PLD5: variants seen among roughly 807,000 people sequenced by gnomAD.
The protein encoded by PLD5 is inactive phospholipase D5.
Under a neutral mutation model 61.1 loss-of-function variants are expected in PLD5, and 36 were observed. The ratio of observed to expected loss-of-function variants is 0.59; its 90% confidence interval spans 0.45 to 0.78. The LOEUF is 0.78. Ranked by LOEUF, PLD5 falls within the 30% of genes least tolerant of loss-of-function variation. PLD5 has a pLI of 0.00. For synonymous variants in PLD5, 243 were observed against 242.8 expected, an observed-to-expected ratio of 1.00 and a Z score of -0.01; for missense variants, 515 against 644.4, an observed-to-expected ratio of 0.80 and a Z score of 2.17.
At position 242,306,154 on chromosome 1, in the gene PLD5, A is replaced by G. The variant is rs566294562; in HGVS notation, c.327-17624T>C. 1.2e-3 allele frequency among the ~76,000 whole-genome samples: 177 copies of G among 151,954 alleles called. 3 individuals are homozygous for G. The highest frequency in any genetic ancestry group is 4.2e-3 in the African/African-American group (174 of 41,454). ...ACTGACAACTAGCTGGGACAAACACATATAACCAGAGGGGTCCTCAGCTGC... is the reference window on the plus strand; with the variant it reads ...ACTGACAACTAGCTGGGACAAACACGTATAACCAGAGGGGTCCTCAGCTGC... On this transcript the variant is annotated intron_variant, in intron 2 of 9. Coordinates refer to ENST00000536534, the MANE Select transcript of PLD5 (RefSeq NM_001372062.1).
At chr1:242,399,741 G>C (rs1485399376) in intron 1 of PLD5, among the ~76,000 whole-genome samples, 1 of 152,112 alleles carries the variant, frequency 6.6e-6, no homozygotes, top group Non-Finnish European at 1.5e-5. Flanking sequence ...CCCACAGTAG[G>C]AGGTGAGTGA....
chr1:242,174,467 C>G (rs908404557), intron 5 of PLD5, among the ~76,000 whole-genome samples: 1 of 151,964 alleles, frequency 6.6e-6, no homozygotes, highest in African/African-American at 2.4e-5. Flanking sequence ...TAAACTAGTT[C>G]AACCATTGTG....
At chr1:242,450,693 A>G (rs1348012993) in intron 1 of PLD5, among the ~76,000 whole-genome samples, 8 of 152,206 alleles carry the variant, frequency 5.3e-5, no homozygotes, top group Non-Finnish European at 1.0e-4. Flanking sequence ...AGTCCATGGC[A>G]TTTATCAGGC....
At chr1:242,103,423 T>C (rs76445813) in intron 8 of PLD5, among the ~76,000 whole-genome samples, 33,242 of 152,212 alleles carry the variant, frequency 0.22, 3,779 homozygotes, top group South Asian at 0.29. Flanking sequence ...TCAACATGTA[T>C]GTTTTGAAAA....
At chr1:242,472,976 T>A (rs913317046) in intron 1 of PLD5, among the ~76,000 whole-genome samples, 5 of 152,026 alleles carry the variant, frequency 3.3e-5, no homozygotes, top group African/African-American at 1.2e-4. Context: ...AATCTCCAAA[T>A]ACCTTGAGAT....
At chr1:242,321,008 A>T (rs1658361973) in intron 2 of PLD5, among the ~76,000 whole-genome samples, 1 of 152,232 alleles carries the variant, frequency 6.6e-6, no homozygotes, top group East Asian at 1.9e-4. Context: ...AGATCTGCTA[A>T]CTATTTGCAG....
intron 1 of PLD5, among the ~76,000 whole-genome samples, chr1:242,429,886 T>G (rs1665625830): frequency 6.6e-6 from 1 of 152,240 alleles, no homozygotes; most frequent in South Asian, 2.1e-4. Context: ...AATGTAATTT[T>G]CTTCCTAGGG....
chr1:242,479,124 C>T (rs1195972651), intron 1 of PLD5, among the ~76,000 whole-genome samples: 3 of 152,162 alleles, frequency 2.0e-5, no homozygotes, highest in Admixed American at 1.3e-4. Flanking sequence ...CTGTTGTAAA[C>T]AGTTAGGAAT....
chr1:242,154,281 C>A (rs1279337592), intron 5 of PLD5, among the ~76,000 whole-genome samples: 2 of 152,172 alleles, frequency 1.3e-5, no homozygotes, highest in African/African-American at 4.8e-5. Flanking sequence ...ACAATCATGT[C>A]ATCTGTAAAC....
intron 1 of PLD5, among the ~76,000 whole-genome samples, chr1:242,384,962 C>A (rs758583572): frequency 9.9e-5 from 15 of 152,070 alleles, no homozygotes; most frequent in Non-Finnish European, 1.8e-4. Context: ...AATTCTGAGT[C>A]GGAGGAAGGA....
At chr1:242,521,386 G>C (rs747188550) in intron 1 of PLD5, among the ~76,000 whole-genome samples, 2 of 152,128 alleles carry the variant, frequency 1.3e-5, no homozygotes, top group Non-Finnish European at 2.9e-5. Context: ...TCCATTCTTT[G>C]GTTGTCTGCT....
chr1:242,239,985 A>C (rs1671893196), intron 4 of PLD5, among the ~76,000 whole-genome samples: 1 of 152,236 alleles, frequency 6.6e-6, no homozygotes. Flanking sequence ...TGGCTACAGA[A>C]AGGGATGCAG....
intron 1 of PLD5, among the ~76,000 whole-genome samples, chr1:242,375,176 G>A (rs1328529133): frequency 6.6e-6 from 1 of 152,192 alleles, no homozygotes; most frequent in Non-Finnish European, 1.5e-5. Flanking sequence ...GAGTCTGCAG[G>A]TAGTGGCAAC....
intron 1 of PLD5, among the ~76,000 whole-genome samples, chr1:242,410,963 A>AG (rs573485257): frequency 3.3e-5 from 5 of 152,170 alleles, no homozygotes; most frequent in African/African-American, 9.6e-5. Context: ...AATCGAAAAA[A>AG]AAAAGAAAAA....
At chr1:242,314,906 A>G (rs1676917190) in intron 2 of PLD5, among the ~76,000 whole-genome samples, 1 of 152,068 alleles carries the variant, frequency 6.6e-6, no homozygotes, top group Non-Finnish European at 1.5e-5. Context: ...ACATAGAATC[A>G]TTTTAAAAAT....
rs1217707671 is a variant in PLD5, at chr1:242,441,475, A to AG, written c.189+82612_189+82613insC. On this transcript the variant is annotated intron_variant, in intron 1 of 9. Coordinates refer to ENST00000536534, the MANE Select transcript of PLD5 (RefSeq NM_001372062.1). The stretch of plus-strand genomic sequence containing the variant: ...ATTACCATGTGTTTCTTTAGTAGTC[A>AG]TAAAAAAACTTTAAAAAAAAATTAA... 1.2e-3 allele frequency among the ~76,000 whole-genome samples: 183 copies of AG among 152,252 alleles called. 1 individual carries two copies. Among genetic ancestry groups the AG allele is most frequent in the African/African-American group, 4.1e-3 (172 of 41,548 alleles).
At chr1:242,385,543 T>C (rs1174397754) in intron 1 of PLD5, among the ~76,000 whole-genome samples, 1 of 152,174 alleles carries the variant, frequency 6.6e-6, no homozygotes, top group East Asian at 1.9e-4. Flanking sequence ...GCCTCCATGA[T>C]TGCGATGGCT....
At chr1:242,124,728 A>G in intron 5 of PLD5, 63 bp from the exon 6 acceptor site, 1 of 1,373,404 alleles carries the variant, frequency 7.3e-7, no homozygotes, top group East Asian at 2.4e-5. Flanking sequence ...TTTCAGAGAA[A>G]AAAGGAATGC....
Position 242,401,793 on chromosome 1 carries a change from T to G in PLD5, c.190-53551A>C, listed in dbSNP as rs530946062. ...GGTCTGTTCCATAGCTGTTATTGGT[T>G]TCAATGCTTGCATTGTCCTATCCAC... On this transcript the variant is annotated intron_variant, in intron 1 of 9. Coordinates refer to ENST00000536534, the MANE Select transcript of PLD5 (RefSeq NM_001372062.1). Among the ~76,000 whole-genome samples, 5 of 152,356 alleles carry G rather than the reference T, an allele frequency of 3.3e-5. No individual in the cohort carries two copies. The East Asian group carries it at 9.6e-4, about 29-fold the overall frequency.
Sources: gnomAD v4.1 joint callset for allele counts (sites outside exome capture counted in the v4.1 genomes callset) on GRCh38, gnomAD v4.1.1 for gene constraint, MANE v1.5 for transcripts, NCBI Gene and HGNC (gene_info 2026-07-23, HGNC 2026-07-21) for gene names.